CNBD1: variants seen among roughly 807,000 people sequenced by gnomAD.
The protein encoded by CNBD1 is cyclic nucleotide binding domain containing 1.
A neutral mutation model predicts 54.4 loss-of-function variants in CNBD1; 71 were observed. The ratio of observed to expected loss-of-function variants is 1.30; its 90% CI spans 1.08 to 1.59. The LOEUF is 1.59. CNBD1 is among the 40% of genes most tolerant of loss of function. The pLI, the probability that CNBD1 is intolerant of heterozygous loss-of-function variation, is 0.00. For synonymous variants in CNBD1, 182 were observed against 170.7 expected (o/e 1.07, Z -0.51); for missense variants, 659 against 518.0 (o/e 1.27, Z -2.64).
At chr8:87,224,813 A>G (rs1365146993) in intron 5 of CNBD1, among the ~76,000 whole-genome samples, 2 of 150,760 alleles carry the variant, frequency 1.3e-5, no homozygotes, top group Non-Finnish European at 2.9e-5. Context: ...GATGGCATTG[A>G]ATCTGTAAAT....
chr8:86,871,513 A>G (rs577490509), intron 1 of CNBD1, among the ~76,000 whole-genome samples: 14 of 152,300 alleles, frequency 9.2e-5, no homozygotes, highest in Admixed American at 7.2e-4. Context: ...ATTACAATCT[A>G]TTTTCCACAA....
At chr8:87,270,403 C>T (rs986771970) in intron 6 of CNBD1, among the ~76,000 whole-genome samples, 2 of 151,824 alleles carry the variant, frequency 1.3e-5, no homozygotes, top group Non-Finnish European at 2.9e-5. Context: ...CAGATCAAAA[C>T]CACAATGAGA....
chr8:86,910,595 T>C (rs1246850635), intron 3 of CNBD1, among the ~76,000 whole-genome samples: 3 of 152,168 alleles, frequency 2.0e-5, no homozygotes, highest in African/African-American at 7.2e-5. Flanking sequence ...ATTGCTACAT[T>C]GTTTACTTCA....
chr8:87,358,620 G>A (rs1810467696), intron 10 of CNBD1, among the ~76,000 whole-genome samples: 1 of 152,226 alleles, frequency 6.6e-6, no homozygotes, highest in East Asian at 1.9e-4. Flanking sequence ...GATCTATTAT[G>A]GGGATTGGCT....
At chr8:86,908,035 A>AC (rs1169595394) in intron 3 of CNBD1, among the ~76,000 whole-genome samples, 1 of 152,336 alleles carries the variant, frequency 6.6e-6, no homozygotes, top group East Asian at 1.9e-4. Flanking sequence ...CAAGTAAGGC[A>AC]CCTGCCTGGT....
intron 10 of CNBD1, among the ~76,000 whole-genome samples, chr8:87,380,090 C>T (rs529723880): frequency 1.1e-4 from 16 of 151,948 alleles, no homozygotes; most frequent in Non-Finnish European, 2.2e-4. Flanking sequence ...AACCAAATAT[C>T]TGTGTTTGCT....
At chr8:87,083,429 A>G (rs371590114) in intron 4 of CNBD1, among the ~76,000 whole-genome samples, 8 of 152,148 alleles carry the variant, frequency 5.3e-5, no homozygotes, top group East Asian at 3.9e-4. Context: ...GGTCTCCACA[A>G]TCTTTTATCT....
intron 2 of CNBD1, among the ~76,000 whole-genome samples, chr8:87,428,113 G>T (rs1453467937): frequency 6.8e-6 from 1 of 147,998 alleles, no homozygotes; most frequent in African/African-American, 2.5e-5. Context: ...TATATCTTAG[G>T]AGCATAAGAT....
At chr8:87,189,326 G>A (rs1166245741) in intron 4 of CNBD1, among the ~76,000 whole-genome samples, 4 of 152,146 alleles carry the variant, frequency 2.6e-5, no homozygotes, top group Non-Finnish European at 5.9e-5. Context: ...TAATTTTCAA[G>A]TTTGGCATCG....
chr8:87,411,508 T>G (rs1807746998), intron 2 of CNBD1, among the ~76,000 whole-genome samples: 1 of 149,052 alleles, frequency 6.7e-6, no homozygotes, highest in African/African-American at 2.4e-5. Context: ...TTGATTCATA[T>G]CCAACCAATT....
chr8:86,935,748 A>G (rs979582124), intron 3 of CNBD1, among the ~76,000 whole-genome samples: 2 of 152,084 alleles, frequency 1.3e-5, no homozygotes, highest in African/African-American at 2.4e-5. Context: ...CCTTTATTAT[A>G]TATTTCCTTA....
chr8:87,162,908 C>A (rs1812886521), intron 4 of CNBD1, among the ~76,000 whole-genome samples: 1 of 152,058 alleles, frequency 6.6e-6, no homozygotes, highest in Non-Finnish European at 1.5e-5. Flanking sequence ...CTCCTTCCCT[C>A]CTGAATTGGA....
intron 4 of CNBD1, among the ~76,000 whole-genome samples, chr8:86,947,818 A>G (rs1807504065): frequency 6.6e-6 from 1 of 152,114 alleles, no homozygotes; most frequent in Non-Finnish European, 1.5e-5. Context: ...ATTATTGACT[A>G]TAGTCATCCT....
At chr8:87,271,011 T>G (rs1325629424) in intron 6 of CNBD1, among the ~76,000 whole-genome samples, 1 of 151,864 alleles carries the variant, frequency 6.6e-6, no homozygotes, top group African/African-American at 2.4e-5. Flanking sequence ...AGGTTATATG[T>G]GTCCAGGAAT....
Position 87,287,763 on chromosome 8 carries a change from G to T in CNBD1, c.1042+1092G>T, listed in dbSNP as rs573196913. 2.6e-5 allele frequency among the ~76,000 whole-genome samples: 4 copies of T among 151,920 alleles called. 1 individual carries two copies. The South Asian group carries it at 8.3e-4, about 32-fold the overall frequency. On this transcript the variant is annotated intron_variant, in intron 8 of 10. Transcript: ENST00000518476. ...GGCAAGTTTATGCTTTAAAAAGCAG[G>T]GATACTCTAATAAACCACTTAAATT...
At chr8:87,194,667 T>G (rs1184735817) in intron 4 of CNBD1, among the ~76,000 whole-genome samples, 1 of 152,230 alleles carries the variant, frequency 6.6e-6, no homozygotes, top group Non-Finnish European at 1.5e-5. Context: ...AATATGTGTA[T>G]CTTTCTACAT....
At chr8:86,940,131 A>C (rs575458317) in intron 4 of CNBD1, among the ~76,000 whole-genome samples, 2 of 26,770 alleles carry the variant, frequency 7.5e-5, no homozygotes, top group African/African-American at 1.0e-4. Flanking sequence ...ACCACATGTT[A>C]CTTTTTTTTT....
chr8:87,381,000 G>A (rs1003192628), intron 10 of CNBD1, among the ~76,000 whole-genome samples: 4 of 151,962 alleles, frequency 2.6e-5, no homozygotes, highest in Non-Finnish European at 5.9e-5. Context: ...CTTCATGGAT[G>A]TGACACCAAA....
intron 5 of CNBD1, among the ~76,000 whole-genome samples, chr8:87,209,285 G>T (rs942163336): frequency 6.6e-6 from 1 of 151,994 alleles, no homozygotes; most frequent in Non-Finnish European, 1.5e-5. Flanking sequence ...TATGAGGCCA[G>T]CATTACCCTG....
Sources: allele counts gnomAD v4.1 joint callset (sites outside exome capture counted in the v4.1 genomes callset), GRCh38; gene constraint gnomAD v4.1.1; transcripts MANE v1.5; gene names NCBI Gene and HGNC (gene_info 2026-07-23, HGNC 2026-07-21).